The following CCDC171 variants were observed in gnomAD, a reference collection of about 807,000 sequenced individuals.
The protein encoded by CCDC171 is coiled-coil domain containing 171.
Under a neutral mutation model 168.2 loss-of-function variants are expected in CCDC171, and 177 were observed. That is an observed-to-expected ratio of 1.05 (90% CI 0.93 to 1.19). CCDC171 has a LOEUF of 1.19. Among genes scored for constraint, CCDC171 ranks in the 50% most tolerant of loss-of-function variants. The probability of loss-of-function intolerance (pLI) is 0.00; values close to 1 mark genes in which losing one functional copy is unlikely to be tolerated. For missense variants in CCDC171, 1,991 were observed against 1,539.0 expected, an observed-to-expected ratio of 1.29 and a Z score of -4.91; for synonymous variants, 687 against 540.8, an observed-to-expected ratio of 1.27 and a Z score of -3.75.
intron 8 of CCDC171, among the ~76,000 whole-genome samples, chr9:15,658,278 A>G (rs376933071): frequency 1.1e-4 from 16 of 152,334 alleles, no homozygotes; most frequent in African/African-American, 2.9e-4. Flanking sequence ...TTTGAAAGCA[A>G]TGGAAAGCCA....
intron 24 of CCDC171, among the ~76,000 whole-genome samples, chr9:15,912,029 A>T (rs1261267785): frequency 6.6e-6 from 1 of 152,092 alleles, no homozygotes; most frequent in African/African-American, 2.4e-5. Flanking sequence ...TTGGCTGTAC[A>T]GGCTCTCTTT....
intron 16 of CCDC171, among the ~76,000 whole-genome samples, chr9:15,736,786 C>T (rs2054527451): frequency 6.6e-6 from 1 of 152,152 alleles, no homozygotes; most frequent in African/African-American, 2.4e-5. Flanking sequence ...GGTAATCCTT[C>T]CACTTCAGCT....
intron 21 of CCDC171, among the ~76,000 whole-genome samples, chr9:15,836,309 C>G (rs2060447669): frequency 6.6e-6 from 1 of 152,156 alleles, no homozygotes; most frequent in African/African-American, 2.4e-5. Context: ...ATGATTGAGG[C>G]TGATAGAGTG....
chr9:15,583,149 GC>G (rs1202528385), intron 4 of CCDC171, among the ~76,000 whole-genome samples: 2 of 152,140 alleles, frequency 1.3e-5, no homozygotes, highest in African/African-American at 2.4e-5. Flanking sequence ...GGGCGCGGTG[GC>G]TCACGCCTGT....
At chr9:15,723,627 A>T (rs780268635) in intron 12 of CCDC171, 54 bp from the exon 13 acceptor site, 1 of 1,349,952 alleles carries the variant, frequency 7.4e-7, no homozygotes, top group Non-Finnish European at 1.0e-6. Context: ...TGAAAAATGT[A>T]AAAAAGTTAC....
In CCDC171 at chr9:15,609,136, G is replaced by A. The variant is rs905680051; in HGVS notation, c.676-14131G>A. 6.7e-5 allele frequency among the ~76,000 whole-genome samples: 10 copies of A among 150,234 alleles called. No homozygotes were observed. In the South Asian group the frequency reaches 8.4e-4, roughly 13 times the overall value. On this transcript the variant is annotated intron_variant, in intron 6 of 25. Coordinates refer to ENST00000380701, the MANE Select transcript of CCDC171 (RefSeq NM_173550.4). ...TTTTTTGGACACGGAGTCTCGCTCT[G>A]TCATCTAGGCTGGAGTGCAGTGGTG...
chr9:15,700,882 A>G (rs1334859735), intron 11 of CCDC171, among the ~76,000 whole-genome samples: 2 of 151,572 alleles, frequency 1.3e-5, no homozygotes, highest in African/African-American at 4.9e-5. Flanking sequence ...TCTTTTATCC[A>G]CATCTTCCCC....
chr9:15,941,956 C>A (rs1047621538), intron 25 of CCDC171, among the ~76,000 whole-genome samples: 4 of 151,622 alleles, frequency 2.6e-5, no homozygotes, highest in African/African-American at 9.7e-5. Flanking sequence ...CATTTGAATT[C>A]TTTTTCTTTT....
chr9:15,633,538 G>T (rs1166948815), intron 7 of CCDC171, among the ~76,000 whole-genome samples: 1 of 152,124 alleles, frequency 6.6e-6, no homozygotes, highest in African/African-American at 2.4e-5. Flanking sequence ...GTGCTGGAGA[G>T]GATGTGGAGA....
chr9:15,988,357 A>T (rs1832065068), intron 3 of CCDC171, among the ~76,000 whole-genome samples: 1 of 152,222 alleles, frequency 6.6e-6, no homozygotes, highest in South Asian at 2.1e-4. Flanking sequence ...ATTATGCTGC[A>T]CGACTTTTTA....
intron 6 of CCDC171, among the ~76,000 whole-genome samples, chr9:15,599,335 G>C (rs970051089): frequency 3.3e-5 from 5 of 152,096 alleles, no homozygotes; most frequent in Non-Finnish European, 7.4e-5. Flanking sequence ...CTCTTTTAGG[G>C]CAGGCCTGGT....
At chr9:15,563,189 A>G (rs186153865) in intron 1 of CCDC171, among the ~76,000 whole-genome samples, 2 of 145,804 alleles carry the variant, frequency 1.4e-5, no homozygotes, top group East Asian at 4.0e-4. Context: ...GCCAGGCTTG[A>G]GTGCAATGGT....
chr9:15,646,776 A>G (rs917980763), intron 7 of CCDC171, among the ~76,000 whole-genome samples: 1 of 152,176 alleles, frequency 6.6e-6, no homozygotes, highest in Non-Finnish European at 1.5e-5. Flanking sequence ...CTACAAAAAG[A>G]CTTAGACTCC....
intron 24 of CCDC171, among the ~76,000 whole-genome samples, chr9:15,910,253 A>G (rs1563984479): frequency 6.6e-6 from 1 of 151,974 alleles, no homozygotes; most frequent in African/African-American, 2.4e-5. Flanking sequence ...TTGACTTCAT[A>G]TCTTTGTTAT....
At chr9:16,057,660 C>T (rs1833862091) in intron 1 of CCDC171, among the ~76,000 whole-genome samples, 1 of 152,178 alleles carries the variant, frequency 6.6e-6, no homozygotes, top group Non-Finnish European at 1.5e-5. Context: ...GGGTCCCCAG[C>T]CCCAAAGCCC....
chr9:16,026,584 T>C (rs1237196930), intron 6 of CCDC171, among the ~76,000 whole-genome samples: 2 of 152,132 alleles, frequency 1.3e-5, no homozygotes, highest in Admixed American at 1.3e-4. Context: ...TGCTCATCAG[T>C]TGATAATGGG....
intron 21 of CCDC171, among the ~76,000 whole-genome samples, 158 bp from the exon 22 acceptor site, chr9:15,846,544 A>G (rs1047523864): frequency 6.6e-6 from 1 of 152,156 alleles, no homozygotes; most frequent in Non-Finnish European, 1.5e-5. Flanking sequence ...ATTAGTACGT[A>G]TATAAAATTT....
chr9:15,590,791 T>TTCTTTC (rs142467405), intron 4 of CCDC171, among the ~76,000 whole-genome samples: 1 of 143,608 alleles, frequency 7.0e-6, no homozygotes, highest in Admixed American at 7.1e-5. Context: ...CTTTCTTTCT[T>TTCTTTC]TCTTTCTTTC....
At chr9:15,706,244 GCTTCCTTCCTTCCTTC>G (rs535186319) in intron 11 of CCDC171, among the ~76,000 whole-genome samples, 1 of 77,102 alleles carries the variant, frequency 1.3e-5, no homozygotes, top group East Asian at 8.8e-4. Flanking sequence ...TTCCTTCCTT[GCTTCCTTCCTTCCTTC>G]CTTCCTTCCT....
Sources: gnomAD v4.1 joint callset for allele counts (sites outside exome capture counted in the v4.1 genomes callset) on GRCh38, gnomAD v4.1.1 for gene constraint, MANE v1.5 for transcripts, NCBI Gene and HGNC (gene_info 2026-07-23, HGNC 2026-07-21) for gene names.